Variants in BYSL observed in about 807,000 individuals in gnomAD.
BYSL encodes bystin.
BYSL carries 21 observed loss-of-function variants against 45.4 expected under a neutral mutation model. The ratio of observed to expected loss-of-function variants is 0.46; its 90% CI spans 0.33 to 0.67. The LOEUF is 0.67. BYSL is among the 30% of genes least tolerant of loss of function. The pLI is 0.02. For missense variants in BYSL, 522 were observed against 578.5 expected (o/e 0.90, Z 1.00); for synonymous variants, 215 against 231.3 (o/e 0.93, Z 0.64).
chr6:41,916,828 G>A (rs923195549), upstream of BYSL: 3 of 1,614,110 alleles, frequency 1.9e-6, no homozygotes, highest in Non-Finnish European at 2.5e-6. Context: ...AAGTCTCACA[G>A]TCCACACAAA....
chr6:41,908,986 C>T, the BYSL span: 4 of 443,344 alleles, frequency 9.0e-6, no homozygotes, highest in South Asian at 5.3e-5. Flanking sequence ...AGTCTGAGAT[C>T]AGCCTGGGCA....
At chr6:41,929,789 A>C (rs1190335046) in intron 2 of BYSL, among the ~76,000 whole-genome samples, 1 of 152,228 alleles carries the variant, frequency 6.6e-6, no homozygotes, top group Non-Finnish European at 1.5e-5. Flanking sequence ...GAGGAAACAG[A>C]GGCATAGAGA....
At chr6:41,916,622 A>C (rs1043219465), upstream of BYSL, among the ~76,000 whole-genome samples, 10 of 152,208 alleles carry the variant, frequency 6.6e-5, no homozygotes, top group Non-Finnish European at 1.2e-4. Flanking sequence ...CAAAGGCCCT[A>C]TTCTAAGAGA....
At chr6:41,929,933 T>C (rs1428541574) in intron 2 of BYSL, among the ~76,000 whole-genome samples, 199 bp from the exon 3 acceptor site, 2 of 152,218 alleles carry the variant, frequency 1.3e-5, no homozygotes, top group Non-Finnish European at 2.9e-5. Context: ...GGAATGACTT[T>C]CAGTTCCTTT....
At chr6:41,918,166 C>T (rs987700211), upstream of BYSL, among the ~76,000 whole-genome samples, 2 of 152,196 alleles carry the variant, frequency 1.3e-5, no homozygotes, top group Admixed American at 1.3e-4. Context: ...TCTCCAAATC[C>T]TCACGATAGT....
At position 41,930,266 on chromosome 6, in the gene BYSL, G is replaced by A. The variant is rs781257070; in HGVS notation, c.566G>A (p.Arg189Gln). 6 of 1,613,796 alleles carry A rather than the reference G, an allele frequency of 3.7e-6. No individual in the cohort carries two copies. The highest frequency in any genetic ancestry group is 5.1e-6 in the Non-Finnish European group (6 of 1,179,804). ...PRVLEVYRGV[R>Q]EVLSKYRSGK... ...GTCCTAGAAGTGTACAGGGGGGTCC[G>A]GGAGGTAAGAGCTGAGAGGGGAGCC... The change falls in exon 3 of 7, where the codon CGG becomes CAG. Residue 189 changes from arginine to glutamine, a missense_variant. Arg to Gln is a conservative substitution (Grantham distance 43). Transcript: ENST00000230340.
In BYSL at chr6:41,923,096, A is replaced by G. The variant is rs545449316; in HGVS notation, c.268+1266A>G. ...CACAGTCTCTCACCTGGATTATCAC[A>G]GTAGCCTCCTCGTTAGTATCTCATA... On this transcript the variant is annotated intron_variant, in intron 1 of 6. Coordinates refer to ENST00000230340, the MANE Select transcript of BYSL (RefSeq NM_004053.4). Among the ~76,000 whole-genome samples the G allele has an allele frequency of 3.3e-5, 5 of 152,052 alleles. No homozygotes were observed. The South Asian group carries it at 1.0e-3, about 32-fold the overall frequency.
In BYSL at chr6:41,921,535, A is replaced by G. The variant is rs1206219405; in HGVS notation, c.-28A>G. Reference sequence around the variant, plus strand: ...GGCCTTTCTTCAGTCCCCACGTGCGATCCTTCCCGGCAACTTTTTCGAGAA... The same window carrying G: ...GGCCTTTCTTCAGTCCCCACGTGCGGTCCTTCCCGGCAACTTTTTCGAGAA... On this transcript the variant is annotated 5_prime_UTR_variant, in exon 1 of 7. Coordinates refer to ENST00000230340, the MANE Select transcript of BYSL (RefSeq NM_004053.4). The G allele has an allele frequency of 1.3e-6, 2 of 1,549,954 alleles. No homozygotes were observed. The highest frequency in any genetic ancestry group is 1.2e-5 in the South Asian group (1 of 81,018).
upstream of BYSL, among the ~76,000 whole-genome samples, chr6:41,918,444 C>T (rs1406708377): frequency 6.6e-6 from 1 of 151,592 alleles, no homozygotes; most frequent in African/African-American, 2.4e-5. Context: ...GCGGAGGTTG[C>T]AGTGAGCCAA....
At chr6:41,931,696 G>A in intron 5 of BYSL, 32 bp from the exon 6 acceptor site, 2 of 1,608,612 alleles carry the variant, frequency 1.2e-6, no homozygotes. Flanking sequence ...CTCATCCTGG[G>A]CTCACAGTGG....
rs929185104 is a variant in BYSL at position 41,930,779 on chromosome 6, T to G, written c.704+11T>G. 2.5e-6 allele frequency: 4 copies of G among 1,609,508 alleles called. No homozygotes were observed. The highest frequency in any genetic ancestry group is 3.4e-6 in the Non-Finnish European group (4 of 1,178,562). On this transcript the variant is annotated intron_variant, in intron 4 of 6. Coordinates refer to ENST00000230340, the MANE Select transcript of BYSL (RefSeq NM_004053.4). ...GTACCAGGCCACCAGGTAGAGTAGC[T>G]GGGGGTTCGGGGGCCTTGGGTTTAT...
rs577649257 is a variant in BYSL at position 41,933,015 on chromosome 6, G to T, written c.*309G>T. 30 of 365,584 alleles carry T rather than the reference G, an allele frequency of 8.2e-5. No homozygotes were observed. Among genetic ancestry groups the T allele is most frequent in the African/African-American group, 5.9e-4 (29 of 49,084 alleles). The allele number at this position is 365,584 out of a possible 1,614,324, so 22.6% of individuals were successfully genotyped here. The stretch of plus-strand genomic sequence containing the variant: ...TCTATGGCTATTGTGTCAGGTCACT[G>T]TGGATAAAGGCAAAGACAGATATTT... On this transcript the variant is annotated 3_prime_UTR_variant, in exon 7 of 7. Transcript: ENST00000230340.
In BYSL at chr6:41,931,846, G is replaced by C; in HGVS notation, c.968+16G>C. The C allele has an allele frequency of 6.2e-7, 1 of 1,602,662 alleles. No individual in the cohort carries two copies. Among genetic ancestry groups the C allele is most frequent in the South Asian group, 1.1e-5 (1 of 90,818 alleles). On this transcript the variant is annotated intron_variant, in intron 6 of 6. Coordinates refer to ENST00000230340, the MANE Select transcript of BYSL (RefSeq NM_004053.4). ...TGCACTCCAGGTAGTATTGCTGGGGGTGGAAGGGGGCTGGTCAGTGGATAT... is the reference window on the plus strand; with the variant it reads ...TGCACTCCAGGTAGTATTGCTGGGGCTGGAAGGGGGCTGGTCAGTGGATAT...
chr6:41,923,268 C>T (rs1419444573), intron 1 of BYSL, among the ~76,000 whole-genome samples: 1 of 151,780 alleles, frequency 6.6e-6, no homozygotes, highest in Non-Finnish European at 1.5e-5. Flanking sequence ...CAGCCTCCCA[C>T]GTAGCTGGGA....
At chr6:41,921,888 C>G (rs1775485790) in intron 1 of BYSL, 58 bp downstream of exon 1, 2 of 1,537,690 alleles carry the variant, frequency 1.3e-6, no homozygotes, top group Admixed American at 4.1e-5. Flanking sequence ...GCGGGGTGGG[C>G]AGCTAAAAAG....
the BYSL span, chr6:41,912,946 A>C: frequency 6.6e-6 from 1 of 152,052 alleles, no homozygotes; most frequent in South Asian, 2.1e-4. Context: ...TGACTCTACA[A>C]AAAAAATCAA....
chr6:41,917,634 C>G, upstream of BYSL: 1 of 397,018 alleles, frequency 2.5e-6, no homozygotes, highest in South Asian at 1.8e-5. Context: ...CTTCCTATCA[C>G]AGGGCGTTCT....
At chr6:41,929,052 C>G (rs1368173590) in intron 2 of BYSL, among the ~76,000 whole-genome samples, 1 of 152,138 alleles carries the variant, frequency 6.6e-6, no homozygotes, top group Non-Finnish European at 1.5e-5. Flanking sequence ...CAGGCACGTA[C>G]CACCACGCCT....
At chr6:41,926,697 C>T (rs1264883328) in intron 1 of BYSL, among the ~76,000 whole-genome samples, 9 of 151,272 alleles carry the variant, frequency 5.9e-5, no homozygotes, top group Admixed American at 5.9e-4. Context: ...GATCTGCCCG[C>T]CTCGGCCTCC....
Sources: allele counts gnomAD v4.1 joint callset (sites outside exome capture counted in the v4.1 genomes callset), GRCh38; gene constraint gnomAD v4.1.1; transcripts MANE v1.5; gene names NCBI Gene and HGNC (gene_info 2026-07-23, HGNC 2026-07-21).